Variants in FER1L5 observed in about 807,000 individuals in gnomAD.
FER1L5 encodes fer-1 like family member 5.
A neutral mutation model predicts 279.9 loss-of-function variants in FER1L5; 187 were observed. That is an observed-to-expected ratio of 0.67 (90% confidence interval 0.59 to 0.75). The LOEUF is 0.75. Ranked by LOEUF, FER1L5 falls within the 30% of genes least tolerant of loss-of-function variation. FER1L5 has a pLI of 0.00. For missense variants in FER1L5, 2,091 were observed against 2,594.4 expected, an observed-to-expected ratio of 0.81 and a Z score of 4.21; for synonymous variants, 921 against 989.7, an observed-to-expected ratio of 0.93 and a Z score of 1.30.
intron 51 of FER1L5, 22 bp downstream of exon 51, chr2:96,703,654 G>A: frequency 1.2e-6 from 2 of 1,609,600 alleles, no homozygotes; most frequent in Non-Finnish European, 1.7e-6. Flanking sequence ...TGGGGCAAAA[G>A]CACCAGATCT....
At chr2:96,649,137 C>T (rs968634840) in intron 4 of FER1L5, among the ~76,000 whole-genome samples, 1 of 152,238 alleles carries the variant, frequency 6.6e-6, no homozygotes. Flanking sequence ...TGTGACTTAA[C>T]TTTGATCATT....
At chr2:96,692,279 T>C in intron 31 of FER1L5, 98 bp downstream of exon 31, 3 of 1,328,538 alleles carry the variant, frequency 2.3e-6, no homozygotes, top group Non-Finnish European at 3.2e-6. Flanking sequence ...CTGCTTGCAG[T>C]CCCAGCCAGG....
intron 9 of FER1L5, among the ~76,000 whole-genome samples, chr2:96,655,556 G>A (rs936409892): frequency 1.3e-5 from 2 of 152,062 alleles, no homozygotes; most frequent in African/African-American, 4.8e-5. Context: ...CACCACCCTT[G>A]GAAAAAAACA....
intron 24 of FER1L5, among the ~76,000 whole-genome samples, chr2:96,688,663 T>C (rs1407097689): frequency 6.6e-6 from 1 of 151,850 alleles, no homozygotes; most frequent in Non-Finnish European, 1.5e-5. Flanking sequence ...TACATCATAA[T>C]ATGTCTAACC....
chr2:96,653,234 G>T (rs950714074), intron 7 of FER1L5: 2 of 222,068 alleles, frequency 9.0e-6, no homozygotes. Context: ...CTAGGAGCCC[G>T]GGAGGCCTCT....
intron 19 of FER1L5, among the ~76,000 whole-genome samples, chr2:96,673,921 C>A (rs1431046037): frequency 6.6e-6 from 1 of 152,180 alleles, no homozygotes; most frequent in Non-Finnish European, 1.5e-5. Context: ...GCACTGCTGT[C>A]TCACTTTCAT....
Position 96,691,050 on chromosome 2 carries a change from A to T in FER1L5, c.2744-140A>T. The stretch of plus-strand genomic sequence containing the variant: ...CACTCAGGTGACACAGTGTAGCCAC[A>T]CTCTCCTTTCCACACCTCAGGGCCA... On this transcript the variant is annotated intron_variant, in intron 27 of 52. Coordinates refer to ENST00000624922, the MANE Select transcript of FER1L5 (RefSeq NM_001293083.2). The surrounding 1 kb of genome is among the most constrained non-coding windows in gnomAD (Gnocchi z 6.0). The T allele has an allele frequency of 8.8e-7, 1 of 1,133,716 alleles. No homozygotes were observed. The highest frequency in any genetic ancestry group is 1.2e-6 in the Non-Finnish European group (1 of 823,630). 70.2% of individuals were successfully genotyped at this position (1,133,716 alleles called of 1,614,324 possible).
chr2:96,649,292 G>C (rs187707260), intron 4 of FER1L5, among the ~76,000 whole-genome samples: 55 of 152,166 alleles, frequency 3.6e-4, no homozygotes, highest in African/African-American at 1.3e-3. Context: ...TGGGCTAGGG[G>C]AAGAGCTGCT....
Position 96,676,415 on chromosome 2 carries a change from C to A in FER1L5, c.1669+3161C>A, listed in dbSNP as rs138395680. On this transcript the variant is annotated intron_variant, in intron 19 of 52. Coordinates refer to ENST00000624922, the MANE Select transcript of FER1L5 (RefSeq NM_001293083.2). ...CTCCCGACCTCAGGTGATCTGCCCA[C>A]CTCAGCCTCCCAAAGTGCTGGAATT... Among the ~76,000 whole-genome samples the A allele has an allele frequency of 6.3e-4, 96 of 152,218 alleles. 1 individual carries two copies. In the East Asian group the frequency reaches 0.019, roughly 29 times the overall value.
chr2:96,703,809 C>CCT (rs2077679453), intron 51 of FER1L5, among the ~76,000 whole-genome samples, 177 bp downstream of exon 51: 1 of 89,480 alleles, frequency 1.1e-5, no homozygotes, highest in African/African-American at 4.2e-5. Flanking sequence ...CAAAAGTTGC[C>CCT]TTTTTTTTTT....
chr2:96,688,008 C>T, intron 24 of FER1L5, 61 bp downstream of exon 24: 1 of 1,540,178 alleles, frequency 6.5e-7, no homozygotes, highest in Non-Finnish European at 8.8e-7. Flanking sequence ...GTAGGGTGGC[C>T]TCGTAGGGAA....
chr2:96,677,468 A>C (rs1037442416), intron 19 of FER1L5, among the ~76,000 whole-genome samples: 6 of 152,154 alleles, frequency 3.9e-5, no homozygotes, highest in Non-Finnish European at 5.9e-5. Flanking sequence ...TCAGTTCTCC[A>C]TTCCTTTTCA....
chr2:96,684,421 CA>C lies in FER1L5; in HGVS notation c.1766del (p.Asn589ThrfsTer10), dbSNP rs1196134551. 3 of 1,551,646 alleles carry C rather than the reference CA, an allele frequency of 1.9e-6. No homozygotes were observed. The highest frequency in any genetic ancestry group is 2.6e-6 in the Non-Finnish European group (3 of 1,146,976). Reference sequence around the variant, plus strand: ...ACGTCAGCTTCCGCATGAACTGCCTCAACCTCCTCCACTTCACTCGGGACCG... The same window carrying C: ...ACGTCAGCTTCCGCATGAACTGCCTCACCTCCTCCACTTCACTCGGGACCG... ...EDVSFRMNCL[N>X]LLHFTRDRLK... On this transcript the variant is annotated frameshift_variant, in exon 20 of 53. Transcript: ENST00000624922. LOFTEE classifies it high-confidence loss of function.
At chr2:96,688,293 C>T (rs891991172) in intron 24 of FER1L5, among the ~76,000 whole-genome samples, 1 of 152,162 alleles carries the variant, frequency 6.6e-6, no homozygotes, top group Non-Finnish European at 1.5e-5. Flanking sequence ...TCTCCTAGTT[C>T]ATCAACAGCA....
chr2:96,650,614 G>A (rs901769794), intron 6 of FER1L5, among the ~76,000 whole-genome samples: 3 of 152,184 alleles, frequency 2.0e-5, no homozygotes, highest in African/African-American at 4.8e-5. Flanking sequence ...AAAACAAAGT[G>A]GGGCACAGGC....
intron 17 of FER1L5, 50 bp downstream of exon 17, chr2:96,669,187 A>G: frequency 6.6e-7 from 1 of 1,505,324 alleles, no homozygotes; most frequent in Non-Finnish European, 9.0e-7. Flanking sequence ...GAGCTTCCCC[A>G]TGTAAAGCAC....
Position 96,642,798 on chromosome 2 carries a change from C to T in FER1L5, c.-39C>T, listed in dbSNP as rs549340404. 4.5e-6 allele frequency: 7 copies of T among 1,541,552 alleles called. No individual in the cohort carries two copies. Among genetic ancestry groups the T allele is most frequent in the South Asian group, 1.2e-5 (1 of 82,878 alleles). The stretch of plus-strand genomic sequence containing the variant: ...AGGAGCTCCAAAAAGGAAGCTGTGG[C>T]GCTGCGTAGGGAAGGAGGGAAGAAA... On this transcript the variant is annotated 5_prime_UTR_variant, in exon 1 of 53. Transcript: ENST00000624922.
intron 36 of FER1L5, 32 bp downstream of exon 36, chr2:96,695,936 C>T (rs2077359332): frequency 1.9e-6 from 3 of 1,610,656 alleles, no homozygotes; most frequent in African/African-American, 1.3e-5. Flanking sequence ...TTTCCCCAGG[C>T]CTCACAAGCG....
chr2:96,699,555 T>C lies in FER1L5; in HGVS notation c.4616T>C (p.Phe1539Ser), dbSNP rs760383685. The stretch of plus-strand genomic sequence containing the variant: ...CTCCAACACCTCACCCCTAGGATGT[T>C]TGAACTCACCTGCAACATACCCCTG... Reference protein sequence around the residue: ...NTLDPIFGMMFELTCNIPLEK... With the variant: ...NTLDPIFGMMSELTCNIPLEK... The change falls in exon 43 of 53, where the codon TTT becomes TCT. Residue 1539 changes from phenylalanine to serine, a missense_variant. By Grantham distance (155) the Phe-to-Ser change is radical. Coordinates refer to ENST00000624922, the MANE Select transcript of FER1L5 (RefSeq NM_001293083.2). 1.9e-6 allele frequency: 3 copies of C among 1,613,388 alleles called. No homozygotes were observed. Among genetic ancestry groups the C allele is most frequent in the East Asian group, 2.2e-5 (1 of 44,884 alleles).
Sources: gnomAD v4.1 joint callset for allele counts (sites outside exome capture counted in the v4.1 genomes callset) on GRCh38, gnomAD v4.1.1 for gene constraint, Gnocchi (gnomAD v3.1) non-coding constraint, MANE v1.5 for transcripts, NCBI Gene and HGNC (gene_info 2026-07-23, HGNC 2026-07-21) for gene names.